The following GRM7 variants were observed in gnomAD, a reference collection of about 807,000 sequenced individuals.
GRM7 encodes the protein glutamate metabotropic receptor 7, also known as metabotropic glutamate receptor 7.
In GRM7, 35 loss-of-function variants were observed where a neutral mutation model predicts 84.5. The observed-to-expected ratio is 0.41, with a 90% CI of 0.32 to 0.55. The LOEUF (loss-of-function observed/expected upper bound fraction) is 0.55. Among genes scored for constraint, GRM7 ranks in the 20% least tolerant of loss-of-function variants. GRM7 has a pLI of 0.19. For synonymous variants in GRM7, 487 were observed against 455.1 expected (o/e 1.07, Z -0.89); for missense variants, 1,003 against 1,194.6 (o/e 0.84, Z 2.36).
intron 7 of GRM7, among the ~76,000 whole-genome samples, chr3:7,501,349 T>A (rs1259404048): frequency 2.0e-5 from 3 of 152,212 alleles, no homozygotes; most frequent in Admixed American, 2.0e-4. Flanking sequence ...TTTCTGAAAT[T>A]CTTGAGGAAC....
intron 1 of GRM7, among the ~76,000 whole-genome samples, chr3:7,033,139 A>G (rs1445845912): frequency 6.6e-6 from 1 of 151,802 alleles, no homozygotes; most frequent in Admixed American, 6.6e-5. Flanking sequence ...CATCGCTCCA[A>G]TTTCTGCTTC....
chr3:7,491,648 G>T (rs970435808), intron 7 of GRM7, among the ~76,000 whole-genome samples: 1 of 152,150 alleles, frequency 6.6e-6, no homozygotes, highest in African/African-American at 2.4e-5. Flanking sequence ...TGATATGTTA[G>T]CTTGTGATTC....
At chr3:7,385,064 G>T (rs1694730639) in intron 4 of GRM7, among the ~76,000 whole-genome samples, 1 of 151,926 alleles carries the variant, frequency 6.6e-6, no homozygotes, top group Non-Finnish European at 1.5e-5. Flanking sequence ...TTTCCCTTAG[G>T]GCTAAAGAAA....
intron 1 of GRM7, among the ~76,000 whole-genome samples, chr3:7,090,240 T>C (rs530829817): frequency 3.3e-5 from 5 of 152,258 alleles, no homozygotes; most frequent in African/African-American, 9.6e-5. Context: ...AGAACAGTGA[T>C]GTGAAAATGA....
intron 1 of GRM7, among the ~76,000 whole-genome samples, chr3:7,119,085 C>A (rs1248524388): frequency 1.3e-5 from 2 of 152,046 alleles, no homozygotes; most frequent in Non-Finnish European, 2.9e-5. Flanking sequence ...ATTTTCAGTT[C>A]TTTTCTGTCC....
At chr3:7,705,272 G>A (rs1701350486) in intron 9 of GRM7, among the ~76,000 whole-genome samples, 1 of 152,026 alleles carries the variant, frequency 6.6e-6, no homozygotes, top group South Asian at 2.1e-4. Flanking sequence ...GATTATTCTG[G>A]GTGGCAATGT....
intron 1 of GRM7, among the ~76,000 whole-genome samples, chr3:6,966,468 C>T (rs1346882981): frequency 1.3e-5 from 2 of 152,168 alleles, no homozygotes; most frequent in African/African-American, 2.4e-5. Flanking sequence ...ATATTTCTTG[C>T]AATGAATACA....
chr3:7,273,668 T>C (rs1317312675), intron 2 of GRM7, among the ~76,000 whole-genome samples: 1 of 152,094 alleles, frequency 6.6e-6, no homozygotes, highest in African/African-American at 2.4e-5. Flanking sequence ...TTAATATAGC[T>C]ACTTCTTTTC....
chr3:7,129,042 A>T (rs750412743), intron 1 of GRM7, among the ~76,000 whole-genome samples: 1 of 152,200 alleles, frequency 6.6e-6, no homozygotes, highest in Non-Finnish European at 1.5e-5. Flanking sequence ...ACATTCACGG[A>T]TGTTCATAGC....
chr3:7,723,224 A>G (rs1702014297), intron 9 of GRM7, among the ~76,000 whole-genome samples: 1 of 152,162 alleles, frequency 6.6e-6, no homozygotes, highest in African/African-American at 2.4e-5. Context: ...CCTAATTAAC[A>G]GTAATTCTCT....
chr3:7,051,778 A>T (rs1481778087), intron 1 of GRM7, among the ~76,000 whole-genome samples: 1 of 151,728 alleles, frequency 6.6e-6, no homozygotes, highest in East Asian at 1.9e-4. Context: ...GTTCCTATTG[A>T]TTTTGAACAG....
chr3:7,292,079 C>T (rs1236656799), intron 2 of GRM7, among the ~76,000 whole-genome samples: 1 of 152,150 alleles, frequency 6.6e-6, no homozygotes, highest in Non-Finnish European at 1.5e-5. Context: ...ACTGTGAGTT[C>T]ATTAAAGCTC....
intron 8 of GRM7, among the ~76,000 whole-genome samples, chr3:7,648,913 T>C (rs1343383374): frequency 6.6e-6 from 1 of 152,106 alleles, no homozygotes; most frequent in Non-Finnish European, 1.5e-5. Context: ...GGCCATTGTC[T>C]CCTACATTTC....
chr3:6,940,404 G>A (rs1697849627), intron 1 of GRM7, among the ~76,000 whole-genome samples: 1 of 152,138 alleles, frequency 6.6e-6, no homozygotes, highest in African/African-American at 2.4e-5. Context: ...TTTAATTTAA[G>A]TGAGAAATTT....
chr3:7,682,854 A>G (rs1700433575), intron 9 of GRM7, among the ~76,000 whole-genome samples: 1 of 152,212 alleles, frequency 6.6e-6, no homozygotes, highest in East Asian at 1.9e-4. Flanking sequence ...CATTATGCGG[A>G]ATGCTTTGTG....
intron 7 of GRM7, among the ~76,000 whole-genome samples, chr3:7,494,174 T>A (rs77686374): frequency 0.085 from 12,920 of 152,156 alleles, 738 homozygotes; most frequent in South Asian, 0.12. Flanking sequence ...ATACTAGCAA[T>A]ACATTATTAT....
intron 7 of GRM7, among the ~76,000 whole-genome samples, chr3:7,537,957 T>A (rs185598904): frequency 5.9e-5 from 9 of 152,266 alleles, no homozygotes; most frequent in Non-Finnish European, 1.2e-4. Flanking sequence ...CCCACCAGAA[T>A]AGTCTGGGCA....
intron 7 of GRM7, among the ~76,000 whole-genome samples, chr3:7,515,641 T>A (rs1700349409): frequency 6.6e-6 from 1 of 152,182 alleles, no homozygotes; most frequent in African/African-American, 2.4e-5. Context: ...GGAAATCTCA[T>A]AGCGCTATTA....
intron 2 of GRM7, among the ~76,000 whole-genome samples, chr3:7,154,674 A>C (rs79236784): frequency 3.9e-5 from 6 of 152,142 alleles, no homozygotes; most frequent in Non-Finnish European, 7.4e-5. Flanking sequence ...TCAAATATGG[A>C]GAATTTTATT....
Sources: gnomAD v4.1 joint callset for allele counts (sites outside exome capture counted in the v4.1 genomes callset) on GRCh38, gnomAD v4.1.1 for gene constraint, MANE v1.5 for transcripts, NCBI Gene and HGNC (gene_info 2026-07-23, HGNC 2026-07-21) for gene names.